The following TCEAL5 variants were observed in gnomAD, a reference collection of about 807,000 sequenced individuals.
The protein encoded by TCEAL5 is transcription elongation factor A like 5, also known as transcription elongation factor A protein-like 5.
For missense variants in TCEAL5, 111 were observed against 158.1 expected, an observed-to-expected ratio of 0.70 and a Z score of 1.60; for synonymous variants, 65 against 61.2, an observed-to-expected ratio of 1.06 and a Z score of -0.29.
Position 103,274,206 on chromosome X carries a change from T to C in TCEAL5, c.358A>G (p.Thr120Ala). 8.4e-7 allele frequency: 1 copy of C among 1,194,538 alleles called. No individual in the cohort carries two copies. The highest frequency in any genetic ancestry group is 1.8e-5 in the South Asian group (1 of 56,649). Residue 120 changes from threonine to alanine, a missense_variant, in exon 3 of 3, where the codon ACC (threonine) becomes GCC (alanine). Physicochemically the swap from Thr to Ala is moderately conservative, Grantham distance 58. Coordinates refer to ENST00000372680, the MANE Select transcript of TCEAL5 (RefSeq NM_001012979.3). ...GGGGAATCGTCCGTCCCCCTGTCGG[T>C]TTTTCTTTTTGCTTTCCGGGGCACA... ...DYVPRKAKRK[T>A]DRGTDDSPKD...
chrX:103,275,499 C>T (rs765818843), intron 1 of TCEAL5, among the ~76,000 whole-genome samples, 157 bp from the exon 2 acceptor site: 5 of 111,925 alleles, frequency 4.5e-5, no homozygotes, highest in Admixed American at 3.8e-4. Context: ...TCCCCCTCCG[C>T]GCGCAGCTCT....
Position 103,274,036 on chromosome X carries a change from C to A in TCEAL5, c.528G>T (p.Gln176His). ...GGFHWMQRDV[Q>H]DPFAPRGQRG... is the part of the protein sequence containing the mutation. ...GTTGGCCCCTTGGGGCGAATGGATCCTGTACATCTCTTTGCATCCAATGAA... is the reference window on the plus strand; with the variant it reads ...GTTGGCCCCTTGGGGCGAATGGATCATGTACATCTCTTTGCATCCAATGAA... The change falls in exon 3 of 3, where the codon CAG (glutamine) becomes CAT (histidine). Residue 176 changes from glutamine (Q) to histidine (H), a missense_variant. Transcript: ENST00000372680. 2 of 1,211,950 alleles carry A rather than the reference C, an allele frequency of 1.7e-6. No individual in the cohort carries two copies. Among genetic ancestry groups the A allele is most frequent in the Non-Finnish European group, 2.2e-6 (2 of 895,605 alleles).
In TCEAL5 at chrX:103,273,797, G is replaced by T; in HGVS notation, c.*146C>A. 2 of 866,985 alleles carry T rather than the reference G, an allele frequency of 2.3e-6. No individual in the cohort carries two copies. The highest frequency in any genetic ancestry group is 3.2e-6 in the Non-Finnish European group (2 of 630,771). The allele number at this position is 866,985 out of a possible 1,213,427, so 71.4% of individuals were successfully genotyped here. Reference sequence around the variant, plus strand: ...TACTAAAAGACAGAGCACTGTAGTTGGGTCAAAAGTCTGCTGGTAACAAGA... The same window carrying T: ...TACTAAAAGACAGAGCACTGTAGTTTGGTCAAAAGTCTGCTGGTAACAAGA... On this transcript the variant is annotated 3_prime_UTR_variant, in exon 3 of 3. Coordinates refer to ENST00000372680, the MANE Select transcript of TCEAL5 (RefSeq NM_001012979.3).
chrX:103,274,453 G>A lies in TCEAL5; in HGVS notation c.111C>T (p.Asp37=), dbSNP rs61732214. 7 of 1,208,229 alleles carry A rather than the reference G, an allele frequency of 5.8e-6. No individual in the cohort carries two copies. The highest frequency in any genetic ancestry group is 5.6e-6 in the Non-Finnish European group (5 of 894,694). The part of the protein sequence containing the change: ...EGSTEDEGKS[D]EEEKPDMEGK... ...CCTCCATGTCCGGCTTTTCTTCCTC[G>A]TCTGACTTTCCTTCATCTTCTGTAC... Residue 37 remains aspartate (D), a synonymous_variant, in exon 3 of 3, where the codon GAC becomes GAT. Coordinates refer to ENST00000372680, the MANE Select transcript of TCEAL5 (RefSeq NM_001012979.3).
At chrX:103,274,814 T>C (rs1311002147) in intron 2 of TCEAL5, among the ~76,000 whole-genome samples, 1 of 112,034 alleles carries the variant, frequency 8.9e-6, no homozygotes, top group African/African-American at 3.2e-5. Context: ...TTAAGGAGGA[T>C]GTGCTGAGAA....
At chrX:103,276,446 C>T (rs1181770432) in intron 1 of TCEAL5, among the ~76,000 whole-genome samples, 1 of 109,746 alleles carries the variant, frequency 9.1e-6, no homozygotes, top group Non-Finnish European at 1.9e-5. Flanking sequence ...TGGATGGGTT[C>T]GTAGCCATCT....
chrX:103,275,409 C>T, intron 1 of TCEAL5, 67 bp from the exon 2 acceptor site: 1 of 113,832 alleles, frequency 8.8e-6, no homozygotes. Context: ...GTAACTTGGA[C>T]ACTGGTTCTT....
At chrX:103,276,304 C>T (rs1925558666) in intron 1 of TCEAL5, among the ~76,000 whole-genome samples, 1 of 101,625 alleles carries the variant, frequency 9.8e-6, no homozygotes, top group Admixed American at 1.1e-4. Flanking sequence ...CTCCCCCCTC[C>T]CCGCCCCGCA....
Position 103,274,111 on chromosome X carries a change from A to G in TCEAL5, c.453T>C (p.Asp151=). Residue 151 remains aspartate, a synonymous_variant, in exon 3 of 3, where the codon GAT becomes GAC. Transcript: ENST00000372680. ...SSEEMMRECG[D]VSRAQEELRK... ...TTAGCTCCTCCTGAGCCCTTGACAC[A>G]TCTCCACATTCTCTCATCATCTCCT... 8.3e-7 allele frequency: 1 copy of G among 1,211,379 alleles called. No homozygotes were observed. The highest frequency in any genetic ancestry group is 1.1e-6 in the Non-Finnish European group (1 of 895,380).
At position 103,274,614 on chromosome X, in the gene TCEAL5, G is replaced by A. The variant is rs765940130; in HGVS notation, c.-27-24C>T. ...TCCTAGGAGACAAAAAGAAGACACA[G>A]GACACTGAGGGCTTTGGGGGTTGAA... On this transcript the variant is annotated intron_variant, in intron 2 of 2. Coordinates refer to ENST00000372680, the MANE Select transcript of TCEAL5 (RefSeq NM_001012979.3). 1.5e-5 allele frequency: 17 copies of A among 1,144,189 alleles called. No homozygotes were observed. In the African/African-American group the frequency reaches 2.6e-4, roughly 17 times the overall value. 94.3% of individuals were successfully genotyped at this position (1,144,189 alleles called of 1,213,427 possible). A position where few individuals can be genotyped will look rare whatever the true frequency, so the allele number is the denominator to read the frequency against.
rs762829919 is a variant in TCEAL5, at chrX:103,276,089, G to T, written c.-96+584C>A. Among the ~76,000 whole-genome samples, 223 of 111,061 alleles carry T rather than the reference G, an allele frequency of 2.0e-3. 2 individuals carry two copies. Among genetic ancestry groups the T allele is most frequent in the Middle Eastern group, 9.3e-3 (2 of 215 alleles). On this transcript the variant is annotated intron_variant, in intron 1 of 2. Coordinates refer to ENST00000372680, the MANE Select transcript of TCEAL5 (RefSeq NM_001012979.3). ...GAACTCAGGCCTGGACCCGTTGCAG[G>T]GTCCGCCCTCAGCAGCCTGGGGTCA...
Position 103,274,150 on chromosome X carries a change from C to T in TCEAL5, c.414G>A (p.Arg138=). 2 of 1,212,139 alleles carry T rather than the reference C, an allele frequency of 1.6e-6. No individual in the cohort carries two copies. The highest frequency in any genetic ancestry group is 1.8e-5 in the South Asian group (1 of 57,001). The change falls in exon 3 of 3, where the codon AGG becomes AGA. Residue 138 remains arginine, a synonymous_variant. Coordinates refer to ENST00000372680, the MANE Select transcript of TCEAL5 (RefSeq NM_001012979.3). The part of the protein sequence containing the change: ...PKDSQEDLQE[R]HLSSEEMMRE... ...TCATCATCTCCTCACTGCTCAGATG[C>T]CTTTCTTGTAAGTCCTCCTGAGAGT...
rs368033219 is a variant in TCEAL5, at chrX:103,274,027, G to A, written c.537C>T (p.Phe179=). Residue 179 remains phenylalanine (F), a synonymous_variant, in exon 3 of 3, where the codon TTC becomes TTT. Coordinates refer to ENST00000372680, the MANE Select transcript of TCEAL5 (RefSeq NM_001012979.3). ...TCACACCCCGTTGGCCCCTTGGGGC[G>A]AATGGATCCTGTACATCTCTTTGCA... ...HWMQRDVQDP[F]APRGQRGVRG... 5.6e-5 allele frequency: 68 copies of A among 1,210,179 alleles called. No homozygotes were observed. In the African/African-American group the frequency reaches 1.1e-3, roughly 19 times the overall value.
intron 2 of TCEAL5, 72 bp from the exon 3 acceptor site, chrX:103,274,662 C>G: frequency 2.0e-6 from 2 of 1,020,223 alleles, no homozygotes; most frequent in Non-Finnish European, 2.6e-6. Flanking sequence ...TAGTACTTGT[C>G]TTTCTTAACT....
intron 1 of TCEAL5, among the ~76,000 whole-genome samples, chrX:103,275,957 C>T (rs1195445741): frequency 1.8e-5 from 2 of 112,290 alleles, no homozygotes; most frequent in African/African-American, 3.2e-5. Flanking sequence ...AGCTGATCCC[C>T]AGATCAAACC....
chrX:103,275,811 C>T (rs779083626), intron 1 of TCEAL5, among the ~76,000 whole-genome samples: 2 of 111,710 alleles, frequency 1.8e-5, no homozygotes, highest in Non-Finnish European at 3.8e-5. Flanking sequence ...CACCTCCTCC[C>T]TCCCCACATA....
chrX:103,276,044 G>T (rs772897570), intron 1 of TCEAL5, among the ~76,000 whole-genome samples: 1 of 110,904 alleles, frequency 9.0e-6, no homozygotes, highest in African/African-American at 3.3e-5. Context: ...AATGGAGGGA[G>T]GTTGGAGAAA....
In TCEAL5 at chrX:103,274,011, G is replaced by C. The variant is rs773146702; in HGVS notation, c.553C>G (p.Arg185Gly). The C allele has an allele frequency of 8.3e-7, 1 of 1,211,718 alleles. No individual in the cohort carries two copies. The highest frequency in any genetic ancestry group is 1.1e-6 in the Non-Finnish European group (1 of 895,540). Residue 185 changes from arginine (R) to glycine (G), a missense_variant, in exon 3 of 3, where the codon CGG becomes GGG. Coordinates refer to ENST00000372680, the MANE Select transcript of TCEAL5 (RefSeq NM_001012979.3). ...VQDPFAPRGQRGVRGVRGGGR... is the reference protein window; with the variant it reads ...VQDPFAPRGQGGVRGVRGGGR... ...CCGCCCCTCACTCCCCTCACACCCCGTTGGCCCCTTGGGGCGAATGGATCC... is the reference window on the plus strand; with the variant it reads ...CCGCCCCTCACTCCCCTCACACCCCCTTGGCCCCTTGGGGCGAATGGATCC...
At position 103,275,993 on chromosome X, in the gene TCEAL5, T is replaced by TGACCCCCTTAGCCCTGACC. The variant is rs769566329; in HGVS notation, c.-95-652_-95-651insGGTCAGGGCTAAGGGGGTC. 8.2e-4 allele frequency among the ~76,000 whole-genome samples: 91 copies of TGACCCCCTTAGCCCTGACC among 111,621 alleles called. No homozygotes were observed. The East Asian group carries it at 0.025, about 31-fold the overall frequency. The stretch of plus-strand genomic sequence containing the variant: ...TCTGTCTCCCTTTTTCTACAGCACC[T>TGACCCCCTTAGCCCTGACC]CCTTCCCCTGACCCCCTTAGCCCAC... On this transcript the variant is annotated intron_variant, in intron 1 of 2. Coordinates refer to ENST00000372680, the MANE Select transcript of TCEAL5 (RefSeq NM_001012979.3).
Sources: allele counts gnomAD v4.1 joint callset (sites outside exome capture counted in the v4.1 genomes callset), GRCh38; gene constraint gnomAD v4.1.1; transcripts MANE v1.5; gene names NCBI Gene and HGNC (gene_info 2026-07-23, HGNC 2026-07-21).